CNIH4: variants seen among roughly 807,000 people sequenced by gnomAD.
CNIH4 encodes the protein protein cornichon homolog 4.
In CNIH4, 9 loss-of-function variants were observed where a neutral mutation model predicts 21.5. That is an observed-to-expected ratio of 0.42 (90% CI 0.25 to 0.73). CNIH4 has a LOEUF of 0.73. Among genes scored for constraint, CNIH4 ranks in the 30% least tolerant of loss-of-function variants. The pLI, the probability that CNIH4 is intolerant of heterozygous loss-of-function variation, is 0.27. For missense variants in CNIH4, 159 were observed against 170.0 expected, an observed-to-expected ratio of 0.94 and a Z score of 0.36; for synonymous variants, 67 against 59.1, an observed-to-expected ratio of 1.13 and a Z score of -0.61.
chr1:224,359,369 G>C (rs1397924184), intron 1 of CNIH4, among the ~76,000 whole-genome samples: 2 of 152,208 alleles, frequency 1.3e-5, no homozygotes, highest in Admixed American at 1.3e-4. Flanking sequence ...TTGTGGGCAG[G>C]TGAAAGGAGG....
intron 3 of CNIH4, among the ~76,000 whole-genome samples, chr1:224,368,474 G>T (rs1328650163): frequency 6.6e-6 from 1 of 152,164 alleles, no homozygotes; most frequent in African/African-American, 2.4e-5. Context: ...ATTTAAAAAG[G>T]TTTAAAAAAT....
Position 224,378,958 on chromosome 1 carries a change from C to T in CNIH4, c.*3136C>T. On this transcript the variant is annotated 3_prime_UTR_variant, in exon 5 of 5. Coordinates refer to ENST00000465271, the MANE Select transcript of CNIH4 (RefSeq NM_014184.4). The stretch of plus-strand genomic sequence containing the variant: ...CTCCCTTACCACTCCTCTTCCCCTT[C>T]CCTCTATAATGGCAGTACCCAGGGC... The T allele has an allele frequency of 9.8e-7, 1 of 1,015,542 alleles. No individual in the cohort carries two copies. The highest frequency in any genetic ancestry group is 2.0e-5 in the Admixed American group (1 of 49,778). 62.9% of individuals were successfully genotyped at this position (1,015,542 alleles called of 1,614,324 possible).
rs1362790933 is a variant in CNIH4, at chr1:224,376,526, C to T, written c.*704C>T. 1 of 985,336 alleles carries T rather than the reference C, an allele frequency of 1.0e-6. No homozygotes were observed. 61.0% of individuals were successfully genotyped at this position (985,336 alleles called of 1,614,324 possible). On this transcript the variant is annotated 3_prime_UTR_variant, in exon 5 of 5. Coordinates refer to ENST00000465271, the MANE Select transcript of CNIH4 (RefSeq NM_014184.4). ...CCAGAAAATCCCCACTGGCTCTTGC[C>T]AGTCTGGTTTTCGTATTGCAGTTAT...
chr1:224,369,376 C>A (rs1376630591), intron 3 of CNIH4, among the ~76,000 whole-genome samples: 2 of 152,054 alleles, frequency 1.3e-5, no homozygotes, highest in Non-Finnish European at 2.9e-5. Context: ...AGTTCAGGAC[C>A]ATCTTGGCCA....
rs748194782 is a variant in CNIH4 at position 224,371,249 on chromosome 1, A to G, written c.252-34A>G. On this transcript the variant is annotated intron_variant, in intron 3 of 4. Coordinates refer to ENST00000465271, the MANE Select transcript of CNIH4 (RefSeq NM_014184.4). ...GAATACTTATGCCTATGATTTGATT[A>G]TCCTTCTAATGTGTGTATCCTTTAA... 3.1e-6 allele frequency: 5 copies of G among 1,588,414 alleles called. No individual in the cohort carries two copies. The South Asian group carries it at 5.7e-5, about 18-fold the overall frequency.
chr1:224,371,150 T>C, intron 3 of CNIH4, 133 bp from the exon 4 acceptor site: 1 of 880,022 alleles, frequency 1.1e-6, no homozygotes, highest in Non-Finnish European at 1.7e-6. Context: ...GTGCTGGGAT[T>C]ACCGGCATGA....
In CNIH4 at chr1:224,367,287, G is replaced by GA. The variant is rs538768882; in HGVS notation, c.251+1303dup. Among the ~76,000 whole-genome samples the GA allele has an allele frequency of 1.1e-3, 174 of 152,080 alleles. 1 individual carries two copies. Among genetic ancestry groups the GA allele is most frequent in the Non-Finnish European group, 2.0e-3 (137 of 67,978 alleles). On this transcript the variant is annotated intron_variant, in intron 3 of 4. Transcript: ENST00000465271. ...AAGTGCAGTTAGAATAAAAAGAACA[G>GA]AAAAAAATAAAGTAGGGTTTGGAGG... is the stretch of plus-strand genomic sequence containing the variant.
In CNIH4 at chr1:224,376,898, G is replaced by C. The variant is rs1284535546; in HGVS notation, c.*1076G>C. Reference sequence around the variant, plus strand: ...AATTTATCCTCAGTCCTAGTTTGTGGTTTAATGTTGCTATCTTAAGCACTG... The same window carrying C: ...AATTTATCCTCAGTCCTAGTTTGTGCTTTAATGTTGCTATCTTAAGCACTG... On this transcript the variant is annotated 3_prime_UTR_variant, in exon 5 of 5. Coordinates refer to ENST00000465271, the MANE Select transcript of CNIH4 (RefSeq NM_014184.4). The C allele has an allele frequency of 1.3e-5, 13 of 985,290 alleles. No homozygotes were observed. Among genetic ancestry groups the C allele is most frequent in the Non-Finnish European group, 1.6e-5 (13 of 829,938 alleles). 61.0% of individuals were successfully genotyped at this position (985,290 alleles called of 1,614,324 possible). A position where few individuals can be genotyped will look rare whatever the true frequency, so the allele number is the denominator to read the frequency against.
At position 224,356,962 on chromosome 1, in the gene CNIH4, G is replaced by A; in HGVS notation, c.38G>A (p.Cys13Tyr). The A allele has an allele frequency of 6.2e-7, 1 of 1,612,752 alleles. No individual in the cohort carries two copies. Among genetic ancestry groups the A allele is most frequent in the Non-Finnish European group, 8.5e-7 (1 of 1,179,476 alleles). Residue 13 changes from cysteine to tyrosine, a missense_variant, in exon 1 of 5, where the codon TGT becomes TAT. Transcript: ENST00000465271. ...AVVFVFSLLD[C>Y]CALIFLSVYF... is the part of the protein sequence containing the mutation. ...GTGTTCGTCTTCTCTCTCCTCGATT[G>A]TTGCGCGCTCATCTTCCTCTCGGTC... is the stretch of plus-strand genomic sequence containing the variant.
Position 224,360,542 on chromosome 1 carries a change from A to G in CNIH4, c.117A>G (p.Ser39=), listed in dbSNP as rs1378008708. The change falls in exon 2 of 5, where the codon TCA becomes TCG. Residue 39 remains serine (S), a synonymous_variant. Transcript: ENST00000465271. ...DLECDYINAR[S]CCSKLNKWVI... is the part of the protein sequence containing the mutation. ...AATGTGATTACATTAATGCTAGATC[A>G]TGTTGCTCAAAATTAAACAAGGTAA... 5 of 1,487,598 alleles carry G rather than the reference A, an allele frequency of 3.4e-6. No homozygotes were observed. Among genetic ancestry groups the G allele is most frequent in the Non-Finnish European group, 4.5e-6 (5 of 1,114,106 alleles). 92.1% of individuals were successfully genotyped at this position (1,487,598 alleles called of 1,614,324 possible).
At chr1:224,371,735 G>T (rs887318321) in intron 4 of CNIH4, among the ~76,000 whole-genome samples, 2 of 152,204 alleles carry the variant, frequency 1.3e-5, no homozygotes, top group African/African-American at 4.8e-5. Flanking sequence ...CTGAGGTCGG[G>T]AGTTCGAGAC....
Position 224,376,793 on chromosome 1 carries a change from T to C in CNIH4, c.*971T>C. The C allele has an allele frequency of 3.1e-6, 3 of 961,166 alleles. No homozygotes were observed. The highest frequency in any genetic ancestry group is 3.7e-6 in the Non-Finnish European group (3 of 807,892). The allele number at this position is 961,166 out of a possible 1,614,324, so 59.5% of individuals were successfully genotyped here. A position where few individuals can be genotyped will look rare whatever the true frequency, so the allele number is the denominator to read the frequency against. On this transcript the variant is annotated 3_prime_UTR_variant, in exon 5 of 5. Coordinates refer to ENST00000465271, the MANE Select transcript of CNIH4 (RefSeq NM_014184.4). ...CCAAACTCTGTTCCTTGGAGTTATA[T>C]TGTAAACTCTTGCAGGTGGGAGAGC...
chr1:224,361,566 T>C (rs1672288628), intron 2 of CNIH4, among the ~76,000 whole-genome samples: 1 of 152,064 alleles, frequency 6.6e-6, no homozygotes, highest in Non-Finnish European at 1.5e-5. Flanking sequence ...AAGCTCCATA[T>C]TTTAAAAATT....
rs1672778716 is a variant in CNIH4 at position 224,376,280 on chromosome 1, A to G, written c.*458A>G. The G allele has an allele frequency of 1.0e-6, 1 of 986,246 alleles. No individual in the cohort carries two copies. The highest frequency in any genetic ancestry group is 1.2e-6 in the Non-Finnish European group (1 of 830,516). 61.1% of individuals were successfully genotyped at this position (986,246 alleles called of 1,614,324 possible). On this transcript the variant is annotated 3_prime_UTR_variant, in exon 5 of 5. Transcript: ENST00000465271. ...TTTTTGCTTGTGTTGTGACAACTTC[A>G]TTTAATATGGTTTAAAGATTTATGA...
rs1283707663 is a variant in CNIH4, at chr1:224,378,071, TAGAGAC to T, written c.*2254_*2259del. On this transcript the variant is annotated 3_prime_UTR_variant, in exon 5 of 5. Transcript: ENST00000465271. ...TAGTTAAATTTTTTTTTTTTTTAAT[TAGAGAC>T]AGAGTCTTGCCCTGTCGCCCAAGCT... 3.3e-5 allele frequency: 5 copies of T among 152,034 alleles called. No individual in the cohort carries two copies. The highest frequency in any genetic ancestry group is 7.4e-5 in the Non-Finnish European group (5 of 68,006). The allele number at this position is 152,034 out of a possible 1,614,324, so 9.4% of individuals were successfully genotyped here. A position where few individuals can be genotyped will look rare whatever the true frequency, so the allele number is the denominator to read the frequency against.
intron 1 of CNIH4, 26 bp from the exon 2 acceptor site, chr1:224,360,469 T>C: frequency 1.1e-5 from 13 of 1,166,262 alleles, no homozygotes; most frequent in Non-Finnish European, 1.6e-5. Context: ...AAAAGAAATA[T>C]AATAATTCCT....
At chr1:224,373,599 G>T (rs760246629) in intron 4 of CNIH4, among the ~76,000 whole-genome samples, 1 of 151,874 alleles carries the variant, frequency 6.6e-6, no homozygotes, top group Non-Finnish European at 1.5e-5. Flanking sequence ...GGAGGCCGAG[G>T]TGGGTGGATC....
intron 2 of CNIH4, among the ~76,000 whole-genome samples, chr1:224,362,625 G>C (rs1672330986): frequency 6.6e-6 from 1 of 151,608 alleles, no homozygotes; most frequent in African/African-American, 2.4e-5. Flanking sequence ...GAGTAGCTGG[G>C]ACTACAGGCG....
intron 3 of CNIH4, among the ~76,000 whole-genome samples, chr1:224,366,643 C>T (rs889730432): frequency 3.3e-5 from 5 of 151,066 alleles, no homozygotes; most frequent in Non-Finnish European, 7.4e-5. Flanking sequence ...GCCACAGCGC[C>T]GGGCTGGAAG....
Sources: allele counts gnomAD v4.1 joint callset (sites outside exome capture counted in the v4.1 genomes callset), GRCh38; gene constraint gnomAD v4.1.1; transcripts MANE v1.5; gene names NCBI Gene and HGNC (gene_info 2026-07-23, HGNC 2026-07-21).